CR1L: variants seen among roughly 807,000 people sequenced by gnomAD.
CR1L encodes complement C3b/C4b receptor 1 like.
In CR1L, 59 loss-of-function variants were observed where a neutral mutation model predicts 62.3. The ratio of observed to expected loss-of-function variants is 0.95; its 90% CI spans 0.77 to 1.18. CR1L has a LOEUF of 1.18. Ranked by LOEUF, CR1L falls within the 50% of genes most tolerant of loss-of-function variation. The pLI, the probability that CR1L is intolerant of heterozygous loss-of-function variation, is 0.00. For missense variants in CR1L, 700 were observed against 702.8 expected, an observed-to-expected ratio of 1.00 and a Z score of 0.04; for synonymous variants, 279 against 248.7, an observed-to-expected ratio of 1.12 and a Z score of -1.15.
At chr1:207,665,340 T>C (rs1663500644) in intron 1 of CR1L, among the ~76,000 whole-genome samples, 1 of 149,452 alleles carries the variant, frequency 6.7e-6, no homozygotes, top group Admixed American at 6.7e-5. Context: ...AGGCGTGAGC[T>C]GTAGTGACCA....
intron 1 of CR1L, among the ~76,000 whole-genome samples, chr1:207,649,001 G>A (rs932038645): frequency 2.0e-5 from 3 of 152,160 alleles, no homozygotes; most frequent in African/African-American, 7.2e-5. Flanking sequence ...GACATATTGT[G>A]CTGGGTGTTG....
At chr1:207,648,992 A>C (rs1663180798) in intron 1 of CR1L, among the ~76,000 whole-genome samples, 1 of 152,162 alleles carries the variant, frequency 6.6e-6, no homozygotes, top group African/African-American at 2.4e-5. Context: ...ACTATGAGGG[A>C]CATATTGTGC....
At chr1:207,699,143 C>T in intron 7 of CR1L, 46 bp from the exon 8 acceptor site, 1 of 1,611,682 alleles carries the variant, frequency 6.2e-7, no homozygotes, top group Non-Finnish European at 8.5e-7. Context: ...ACTAAGTGTC[C>T]TCTTGGCTGA....
intron 4 of CR1L, 56 bp from the exon 5 acceptor site, chr1:207,694,297 A>C: frequency 6.3e-7 from 1 of 1,594,872 alleles, no homozygotes; most frequent in Non-Finnish European, 8.6e-7. Flanking sequence ...CAGTTTAGTG[A>C]CTCGTGAGAT....
At chr1:207,645,440 T>C in intron 1 of CR1L, 110 bp downstream of exon 1, 1 of 1,270,964 alleles carries the variant, frequency 7.9e-7, no homozygotes, top group Non-Finnish European at 1.1e-6. Context: ...CTGCTTGGGA[T>C]AGAGAGCGAG....
chr1:207,705,981 CAT>C (rs996807878), intron 9 of CR1L, among the ~76,000 whole-genome samples: 19 of 137,798 alleles, frequency 1.4e-4, no homozygotes, highest in African/African-American at 5.0e-4. Context: ...TATTTCATTT[CAT>C]ATATGTGTCA....
chr1:207,654,711 G>A lies in CR1L; in HGVS notation c.97+9381G>A, dbSNP rs79479584. On this transcript the variant is annotated intron_variant, in intron 1 of 11. Coordinates refer to ENST00000508064, the MANE Select transcript of CR1L (RefSeq NM_175710.2). Reference sequence around the variant, plus strand: ...TATCTAATCTCCTAAACAACCCCACGAGCTATGTACTGTTATCCCCTTTTA... The same window carrying A: ...TATCTAATCTCCTAAACAACCCCACAAGCTATGTACTGTTATCCCCTTTTA... 8.9e-3 allele frequency among the ~76,000 whole-genome samples: 1,360 copies of A among 152,240 alleles called. 19 individuals carry two copies. The highest frequency in any genetic ancestry group is 0.012 in the Non-Finnish European group (835 of 68,020).
At chr1:207,710,457 G>T (rs979424765) in intron 10 of CR1L, 104 of 1,593,350 alleles carry the variant, frequency 6.5e-5, no homozygotes, top group Non-Finnish European at 8.8e-5. Flanking sequence ...TTTCACTATG[G>T]ATCAGTGGTG....
Position 207,678,250 on chromosome 1 carries a change from C to A in CR1L, c.330C>A (p.Ile110=), listed in dbSNP as rs751561567. ...PDPVNGMAHV[I]KDIQFRSQIK... The stretch of plus-strand genomic sequence containing the variant: ...CTGTGAATGGCATGGCACATGTGAT[C>A]AAAGACATCCAGTTCAGATCCCAAA... The change falls in exon 3 of 12, where the codon ATC becomes ATA. Residue 110 remains isoleucine, a synonymous_variant. Transcript: ENST00000508064. 3 of 1,613,710 alleles carry A rather than the reference C, an allele frequency of 1.9e-6. No homozygotes were observed. The highest frequency in any genetic ancestry group is 2.2e-5 in the South Asian group (2 of 91,076).
Position 207,694,566 on chromosome 1 carries a change from T to C in CR1L, c.677T>C (p.Ile226Thr), listed in dbSNP as rs761005760. 2.2e-5 allele frequency: 36 copies of C among 1,612,280 alleles called. No individual in the cohort carries two copies. The East Asian group carries it at 3.1e-4, about 14-fold the overall frequency. The change falls in exon 5 of 12, where the codon ATA becomes ACA. Residue 226 changes from isoleucine to threonine, a missense_variant. Coordinates refer to ENST00000508064, the MANE Select transcript of CR1L (RefSeq NM_175710.2). The part of the protein sequence containing the change: ...IWSGPAPQCI[I>T]PNKCTPPNVE... The stretch of plus-strand genomic sequence containing the variant: ...AGTGGCCCAGCCCCTCAGTGCATTA[T>C]ACCTAACAAATGCACGCCTCCAAAT...
intron 4 of CR1L, among the ~76,000 whole-genome samples, chr1:207,692,777 A>C (rs1186115485): frequency 6.6e-6 from 1 of 151,470 alleles, no homozygotes; most frequent in Non-Finnish European, 1.5e-5. Flanking sequence ...CAGGCGTGCC[A>C]TACCCCCAGC....
rs766721589 is a variant in CR1L, at chr1:207,717,537, T to C, written c.1488T>C (p.Tyr496=). The change falls in exon 11 of 12, where the codon TAT becomes TAC. Residue 496 remains tyrosine, a synonymous_variant. Coordinates refer to ENST00000508064, the MANE Select transcript of CR1L (RefSeq NM_175710.2). Reference sequence around the variant, plus strand: ...GAACTCCCCTTGGAGATATTCCCTATGGAAAAGAAGTATCTTACACATGTG... The same window carrying C: ...GAACTCCCCTTGGAGATATTCCCTACGGAAAAGAAGTATCTTACACATGTG... ...HTGTPLGDIP[Y]GKEVSYTCDP... 1 of 1,613,626 alleles carries C rather than the reference T, an allele frequency of 6.2e-7. No homozygotes were observed. Among genetic ancestry groups the C allele is most frequent in the African/African-American group, 1.3e-5 (1 of 74,898 alleles).
At chr1:207,674,941 C>T (rs1007708318) in intron 1 of CR1L, among the ~76,000 whole-genome samples, 9 of 151,646 alleles carry the variant, frequency 5.9e-5, no homozygotes, top group African/African-American at 9.7e-5. Context: ...AAAATATAGA[C>T]TCCTGGGCTC....
chr1:207,695,593 G>A (rs1014013585), intron 5 of CR1L, among the ~76,000 whole-genome samples: 1 of 152,206 alleles, frequency 6.6e-6, no homozygotes, highest in Non-Finnish European at 1.5e-5. Context: ...ATACTTTCAA[G>A]GAGGGAGGGA....
intron 9 of CR1L, among the ~76,000 whole-genome samples, chr1:207,707,394 G>A (rs1406101507): frequency 1.3e-5 from 2 of 152,200 alleles, no homozygotes; most frequent in Admixed American, 6.5e-5. Context: ...TTGGGAGGCC[G>A]AGGTGGGAGG....
At chr1:207,666,924 A>G (rs1294220133) in intron 1 of CR1L, among the ~76,000 whole-genome samples, 1 of 152,226 alleles carries the variant, frequency 6.6e-6, no homozygotes, top group African/African-American at 2.4e-5. Flanking sequence ...TTAATTTTAC[A>G]TGCCCCTCTT....
intron 1 of CR1L, among the ~76,000 whole-genome samples, chr1:207,656,099 G>A (rs1412578185): frequency 6.6e-6 from 1 of 152,114 alleles, no homozygotes; most frequent in East Asian, 1.9e-4. Flanking sequence ...TTAGCCAGGC[G>A]TGGTGGTAGC....
At chr1:207,660,960 T>G (rs1459378482) in intron 1 of CR1L, among the ~76,000 whole-genome samples, 1 of 152,182 alleles carries the variant, frequency 6.6e-6, no homozygotes, top group Non-Finnish European at 1.5e-5. Flanking sequence ...CTGTTTCGAG[T>G]GAGTTTCTTA....
intron 10 of CR1L, among the ~76,000 whole-genome samples, chr1:207,713,561 C>A (rs1358345524): frequency 2.0e-5 from 3 of 152,232 alleles, no homozygotes; most frequent in Admixed American, 2.0e-4. Flanking sequence ...CAGGCTTGTG[C>A]TCTGATGCAG....
Sources: allele counts gnomAD v4.1 joint callset (sites outside exome capture counted in the v4.1 genomes callset), GRCh38; gene constraint gnomAD v4.1.1; transcripts MANE v1.5; gene names NCBI Gene and HGNC (gene_info 2026-07-23, HGNC 2026-07-21).